The following EDEM2 variants were observed in gnomAD, a reference collection of about 807,000 sequenced individuals.
EDEM2 encodes the protein ER degradation-enhancing alpha-mannosidase-like protein 2.
EDEM2 carries 39 observed loss-of-function variants against 64.8 expected under a neutral mutation model. That is an observed-to-expected ratio of 0.60 (90% CI 0.47 to 0.79). EDEM2 has a LOEUF of 0.79. EDEM2 is among the 30% of genes least tolerant of loss of function. The pLI is 0.00. For synonymous variants in EDEM2, 296 were observed against 291.5 expected, an observed-to-expected ratio of 1.02 and a Z score of -0.16; for missense variants, 609 against 731.3, an observed-to-expected ratio of 0.83 and a Z score of 1.93.
intron 9 of EDEM2, among the ~76,000 whole-genome samples, chr20:35,118,962 G>C (rs575264935): frequency 1.1e-4 from 16 of 152,342 alleles, no homozygotes; most frequent in Non-Finnish European, 2.1e-4. Context: ...AAGGTGGCCA[G>C]GTTCTGGCAT....
Position 35,142,452 on chromosome 20 carries a change from T to C in EDEM2, c.285A>G (p.Gln95=), listed in dbSNP as rs777646292. Reference sequence around the variant, plus strand: ...TGTCCTGGAGCACTTCAACCACTCTTTGGAATTCTGAGACATTCCCCAAAA... The same window carrying C: ...TGTCCTGGAGCACTTCAACCACTCTCTGGAATTCTGAGACATTCCCCAAAA... ...LLILGNVSEF[Q]RVVEVLQDSV... The change falls in exon 4 of 11, where the codon CAA becomes CAG. Residue 95 remains glutamine (Q), a synonymous_variant. Coordinates refer to ENST00000374492, the MANE Select transcript of EDEM2 (RefSeq NM_018217.3). 1.2e-6 allele frequency: 2 copies of C among 1,613,934 alleles called. No homozygotes were observed. Among genetic ancestry groups the C allele is most frequent in the Non-Finnish European group, 1.7e-6 (2 of 1,179,964 alleles).
chr20:35,126,074 A>G (rs886726554), intron 8 of EDEM2, among the ~76,000 whole-genome samples, 177 bp downstream of exon 8: 3 of 152,180 alleles, frequency 2.0e-5, no homozygotes, highest in Non-Finnish European at 2.9e-5. Flanking sequence ...CTGACACTCA[A>G]TTTGGCAGAA....
rs1243477198 is a variant in EDEM2 at position 35,147,297 on chromosome 20, G to C, written c.-39C>G. ...TCTCAGCGCCCCCGCAGCAGCAGCA[G>C]CCACTGCAACCAGTTCATCCTGGGA... On this transcript the variant is annotated 5_prime_UTR_variant, in exon 1 of 11. Transcript: ENST00000374492. The C allele has an allele frequency of 1.4e-6, 2 of 1,467,768 alleles. No individual in the cohort carries two copies. The highest frequency in any genetic ancestry group is 2.5e-5 in the East Asian group (1 of 39,484). 90.9% of individuals were successfully genotyped at this position (1,467,768 alleles called of 1,614,324 possible). A position where few individuals can be genotyped will look rare whatever the true frequency, so the allele number is the denominator to read the frequency against.
chr20:35,133,073 C>A (rs758135115), intron 6 of EDEM2, among the ~76,000 whole-genome samples: 33 of 152,254 alleles, frequency 2.2e-4, no homozygotes, highest in Non-Finnish European at 5.9e-5. Context: ...AGGCAGGTTT[C>A]CACCATGGGA....
At position 35,123,894 on chromosome 20, in the gene EDEM2, C is replaced by A. The variant is rs1164959085; in HGVS notation, c.1110G>T (p.Arg370=). The change falls in exon 9 of 11, where the codon CGG becomes CGT. Residue 370 remains arginine (R), a synonymous_variant. Coordinates refer to ENST00000374492, the MANE Select transcript of EDEM2 (RefSeq NM_018217.3). ...TVEKREGYPL[R]PELIESAMYL... is the part of the protein sequence containing the mutation. ...CAAGCCAGAAATGCTGCTCACCTGG[C>A]CGAAGTGGGTAGCCCTCTCGCTTCT... 1.2e-6 allele frequency: 2 copies of A among 1,613,650 alleles called. No homozygotes were observed. The highest frequency in any genetic ancestry group is 8.5e-7 in the Non-Finnish European group (1 of 1,179,818).
chr20:35,131,674 A>C lies in EDEM2; in HGVS notation c.812T>G (p.Leu271Arg). The C allele has an allele frequency of 6.2e-7, 1 of 1,614,266 alleles. No homozygotes were observed. The highest frequency in any genetic ancestry group is 8.5e-7 in the Non-Finnish European group (1 of 1,180,046). ...FEYLVKGAIL[L>R]QDKKLMAMFL... is the part of the protein sequence containing the mutation. ...CATGGCCATGAGCTTCTTATCCTGA[A>C]GCAGGATGGCTCCTTTCACCAAGTA... The change falls in exon 7 of 11, where the codon CTT becomes CGT. Residue 271 changes from leucine (L) to arginine (R), a missense_variant. By Grantham distance (102) the Leu-to-Arg change is moderately radical. Coordinates refer to ENST00000374492, the MANE Select transcript of EDEM2 (RefSeq NM_018217.3).
At chr20:35,125,369 A>T (rs985068275) in intron 8 of EDEM2, among the ~76,000 whole-genome samples, 1 of 150,900 alleles carries the variant, frequency 6.6e-6, no homozygotes, top group Non-Finnish European at 1.5e-5. Context: ...CTAATTTTTT[A>T]TTTTTATTTT....
chr20:35,146,670 G>A (rs764049558), intron 2 of EDEM2, among the ~76,000 whole-genome samples, 155 bp downstream of exon 2: 7 of 152,162 alleles, frequency 4.6e-5, no homozygotes, highest in Non-Finnish European at 1.0e-4. Context: ...GATCCTGGAG[G>A]TGATAGTAAG....
intron 9 of EDEM2, among the ~76,000 whole-genome samples, chr20:35,122,170 C>G (rs2085377470): frequency 6.6e-6 from 1 of 152,110 alleles, no homozygotes; most frequent in African/African-American, 2.4e-5. Flanking sequence ...TAGCAAGCTC[C>G]TTGTCACTCG....
chr20:35,136,193 A>G (rs370947433), intron 5 of EDEM2, among the ~76,000 whole-genome samples: 48 of 152,224 alleles, frequency 3.2e-4, no homozygotes, highest in East Asian at 2.7e-3. Flanking sequence ...ATATTTCAGA[A>G]AAAGTCAGGC....
intron 9 of EDEM2, among the ~76,000 whole-genome samples, chr20:35,120,324 A>C (rs1352862602): frequency 6.6e-6 from 1 of 152,042 alleles, no homozygotes; most frequent in Non-Finnish European, 1.5e-5. Context: ...TGGCTTCCTG[A>C]AGTGTTGAGA....
rs114909009 is a variant in EDEM2 at position 35,131,161 on chromosome 20, C to T, written c.844+481G>A. 7.1e-3 allele frequency among the ~76,000 whole-genome samples: 1,079 copies of T among 152,322 alleles called. 12 individuals are homozygous for T. The highest frequency in any genetic ancestry group is 0.025 in the African/African-American group (1,019 of 41,560). Reference sequence around the variant, plus strand: ...AGGGCTACATACACAGAATGCAGCACGCTTCAGTTGGCTTTTGCAAGAAGG... The same window carrying T: ...AGGGCTACATACACAGAATGCAGCATGCTTCAGTTGGCTTTTGCAAGAAGG... On this transcript the variant is annotated intron_variant, in intron 7 of 10. Transcript: ENST00000374492.
rs763244941 is a variant in EDEM2, at chr20:35,115,645, TGAGA to T, written c.1521_1524del (p.Leu508AsnfsTer67). On this transcript the variant is annotated frameshift_variant, in exon 11 of 11. Transcript: ENST00000374492. LOFTEE classifies it high-confidence loss of function. ...TTCTGAAATTTCGACCTGCTCCGTT[TGAGA>T]GAGTAGAATTCCCTCATCAAGTCCT... 2 of 1,614,188 alleles carry T rather than the reference TGAGA, an allele frequency of 1.2e-6. No individual in the cohort carries two copies. The highest frequency in any genetic ancestry group is 3.3e-5 in the Admixed American group (2 of 60,016).
intron 9 of EDEM2, among the ~76,000 whole-genome samples, chr20:35,121,374 G>A (rs1353764800): frequency 2.0e-5 from 3 of 152,240 alleles, no homozygotes; most frequent in South Asian, 2.1e-4. Context: ...TCCTATGAAC[G>A]TCTAATGCCA....
intron 5 of EDEM2, 94 bp downstream of exon 5, chr20:35,137,786 C>T (rs1040812849): frequency 6.6e-7 from 1 of 1,515,792 alleles, no homozygotes; most frequent in Non-Finnish European, 8.9e-7. Context: ...GTGAGAAATA[C>T]CAGGAATTAA....
rs147052475 is a variant in EDEM2, at chr20:35,131,805, G to A, written c.703-22C>T. The A allele has an allele frequency of 4.8e-4, 775 of 1,608,604 alleles. 2 individuals are homozygous for A. The highest frequency in any genetic ancestry group is 5.8e-4 in the Non-Finnish European group (677 of 1,176,086). ...CGACCTGAGAGAGAGAAAGACACAC[G>A]GTCCCAACGGGAAGGCCGATGGCCA... On this transcript the variant is annotated intron_variant, in intron 6 of 10. Coordinates refer to ENST00000374492, the MANE Select transcript of EDEM2 (RefSeq NM_018217.3).
At chr20:35,126,490 G>A (rs1461721158) in intron 7 of EDEM2, 115 bp from the exon 8 acceptor site, 2 of 1,273,800 alleles carry the variant, frequency 1.6e-6, no homozygotes, top group African/African-American at 1.5e-5. Context: ...ATGCAATGAG[G>A]CAAGGAGGCT....
intron 9 of EDEM2, among the ~76,000 whole-genome samples, chr20:35,122,294 C>T (rs1422645601): frequency 4.6e-5 from 7 of 152,238 alleles, no homozygotes; most frequent in Non-Finnish European, 1.0e-4. Flanking sequence ...CTATGTCTTA[C>T]ATTTAGTTCC....
intron 10 of EDEM2, 60 bp downstream of exon 10, chr20:35,118,538 G>A: frequency 6.2e-7 from 1 of 1,610,180 alleles, no homozygotes; most frequent in Admixed American, 1.7e-5. Flanking sequence ...TACCCTTAAA[G>A]AGGCTTTTTA....
Sources: gnomAD v4.1 joint callset for allele counts (sites outside exome capture counted in the v4.1 genomes callset) on GRCh38, gnomAD v4.1.1 for gene constraint, MANE v1.5 for transcripts, NCBI Gene and HGNC (gene_info 2026-07-23, HGNC 2026-07-21) for gene names.